Variants in CENPI observed in about 807,000 individuals in gnomAD.
The protein encoded by CENPI is FSH primary response 1.
In CENPI, 4 loss-of-function variants were observed where a neutral mutation model predicts 60.4. The observed-to-expected ratio is 0.07, with a 90% confidence interval of 0.03 to 0.15. CENPI has a LOEUF of 0.15. Ranked by LOEUF, CENPI falls within the 10% of genes least tolerant of loss-of-function variation. The pLI is 1.00. For missense variants in CENPI, 444 were observed against 534.5 expected (o/e 0.83, Z 1.67); for synonymous variants, 157 against 189.4 (o/e 0.83, Z 1.40).
chrX:101,102,488 TA>T, intron 4 of CENPI, 77 bp downstream of exon 4: 2 of 340,878 alleles, frequency 5.9e-6, no homozygotes, highest in Non-Finnish European at 9.7e-6. Context: ...ATAAATCTTA[TA>T]TATATATACA....
chrX:101,145,145 C>T lies in CENPI; in HGVS notation c.1647C>T (p.Arg549=). The T allele has an allele frequency of 2.5e-6, 3 of 1,206,061 alleles. No individual in the cohort carries two copies. Among genetic ancestry groups the T allele is most frequent in the Non-Finnish European group, 3.4e-6 (3 of 890,580 alleles). The change falls in exon 17 of 22, where the codon CGC becomes CGT. Residue 549 remains arginine, a synonymous_variant. Coordinates refer to ENST00000682095, the MANE Select transcript of CENPI (RefSeq NM_001386188.2). The part of the protein sequence containing the change: ...YVGWLSTTAM[R]LESNNTFLLH... ...GGTGGCTATCCACTACTGCAATGCG[C>T]TTGGAGAGCAACAATACTTTCTTGC...
chrX:101,140,890 G>T (rs2089909655), intron 16 of CENPI, 130 bp downstream of exon 16: 1 of 447,387 alleles, frequency 2.2e-6, no homozygotes, highest in African/African-American at 2.4e-5. Context: ...ACTTTTTTGT[G>T]ACTTTTCACT....
chrX:101,140,116 G>A lies in CENPI; in HGVS notation c.1471-550G>A, dbSNP rs888036525. On this transcript the variant is annotated intron_variant, in intron 15 of 21. Transcript: ENST00000682095. The stretch of plus-strand genomic sequence containing the variant: ...CTCCCAAAGTGCTGGGATTACAGGC[G>A]TGAGCCACCGCACCCAGCCCATCAT... 8.0e-5 allele frequency among the ~76,000 whole-genome samples: 9 copies of A among 112,242 alleles called. No homozygotes were observed. The East Asian group carries it at 8.4e-4, about 10-fold the overall frequency.
chrX:101,100,087 C>T (rs1312270660), intron 2 of CENPI: 2 of 111,040 alleles, frequency 1.8e-5, no homozygotes, highest in African/African-American at 6.6e-5. Flanking sequence ...CATGTCCAGT[C>T]TTAGTTGTAT....
intron 6 of CENPI, among the ~76,000 whole-genome samples, chrX:101,112,819 G>C (rs1373925003): frequency 1.0e-5 from 1 of 99,386 alleles, no homozygotes; most frequent in African/African-American, 3.8e-5. Context: ...CTGGCCAAGG[G>C]GTCCTCTAAT....
chrX:101,104,994 A>AAAT (rs1556387816), intron 4 of CENPI, among the ~76,000 whole-genome samples: 7 of 112,211 alleles, frequency 6.2e-5, no homozygotes, highest in Non-Finnish European at 1.1e-4. Context: ...ATTTATTTTA[A>AAAT]AGTAACAACA....
rs35365475 is a variant in CENPI, at chrX:101,164,020, CAAA to C, written c.*1068_*1070del. 3.4e-4 allele frequency among the ~76,000 whole-genome samples: 30 copies of C among 87,734 alleles called. No individual in the cohort carries two copies. Among genetic ancestry groups the C allele is most frequent in the South Asian group, 6.0e-4 (1 of 1,679 alleles). 76.2% of individuals were successfully genotyped at this position (87,734 alleles called of 115,157 possible). ...ACTGCACTCCAGCGAGACTCTGTCT[CAAA>C]AAAAAAAAAAAAAATTACCTCAATG... On this transcript the variant is annotated 3_prime_UTR_variant, in exon 22 of 22. Coordinates refer to ENST00000682095, the MANE Select transcript of CENPI (RefSeq NM_001386188.2).
chrX:101,120,876 CTTTTTTTT>C, intron 8 of CENPI, 92 bp downstream of exon 8: 1 of 497,946 alleles, frequency 2.0e-6, no homozygotes, highest in Admixed American at 3.3e-5. Flanking sequence ...AACTCTTGAT[CTTTTTTTT>C]TTTTTTTTTG....
chrX:101,128,460 TG>T (rs2089759878), intron 11 of CENPI, among the ~76,000 whole-genome samples: 1 of 111,490 alleles, frequency 9.0e-6, no homozygotes, highest in South Asian at 3.8e-4. Context: ...ATGGAGCAAC[TG>T]CTCTCCAGCC....
chrX:101,125,503 TCTC>T (rs2089725744), intron 8 of CENPI, among the ~76,000 whole-genome samples: 1 of 111,326 alleles, frequency 9.0e-6, no homozygotes, highest in African/African-American at 3.3e-5. Flanking sequence ...TTCAAGCCAT[TCTC>T]CTGCCTCAGC....
intron 6 of CENPI, among the ~76,000 whole-genome samples, chrX:101,110,680 T>G (rs1000666535): frequency 1.8e-5 from 2 of 111,897 alleles, no homozygotes; most frequent in African/African-American, 6.5e-5. Context: ...TGCATTGTCC[T>G]AGCCACTGTA....
rs35105469 is a variant in CENPI at position 101,107,835 on chromosome X, AT to A, written c.365-1619del. Among the ~76,000 whole-genome samples the A allele has an allele frequency of 1.0e-2, 871 of 87,138 alleles. 9 individuals are homozygous for A. Among genetic ancestry groups the A allele is most frequent in the African/African-American group, 0.034 (782 of 22,916 alleles). The allele number at this position is 87,138 out of a possible 115,157, so 75.7% of individuals were successfully genotyped here. On this transcript the variant is annotated intron_variant, in intron 4 of 21. Transcript: ENST00000682095. ...AGGCGCCTACCACAACACTTGGCTA[AT>A]TTTTTTTTTTTTTTTTTTGAGACGG...
the CENPI span, among the ~76,000 whole-genome samples, chrX:101,179,965 C>T: frequency 8.9e-6 from 1 of 111,999 alleles, no homozygotes; most frequent in African/African-American, 3.2e-5. Context: ...TATGAGGCTT[C>T]TATTTTCTCC....
Position 101,116,077 on chromosome X carries a change from A to G in CENPI, c.592-4325A>G, listed in dbSNP as rs184368550. Among the ~76,000 whole-genome samples, 43 of 111,944 alleles carry G rather than the reference A, an allele frequency of 3.8e-4. No individual in the cohort carries two copies. In the East Asian group the frequency reaches 0.011, roughly 29 times the overall value. ...GGTTCTGCATCCATGGATTCATCCA[A>G]TTATTGATTGAAAATATTAAAAGAT... On this transcript the variant is annotated intron_variant, in intron 6 of 21. Transcript: ENST00000682095.
At chrX:101,159,914 T>C (rs1199026925) in intron 20 of CENPI, among the ~76,000 whole-genome samples, 1 of 112,402 alleles carries the variant, frequency 8.9e-6, no homozygotes, top group Admixed American at 9.5e-5. Flanking sequence ...AAATTTGAGA[T>C]GCTTGTTAGA....
intron 8 of CENPI, among the ~76,000 whole-genome samples, chrX:101,124,862 C>T (rs1167761624): frequency 3.6e-5 from 4 of 111,850 alleles, no homozygotes; most frequent in Non-Finnish European, 7.5e-5. Context: ...AAACCTCTTT[C>T]CTTTATAAAT....
At chrX:101,119,981 C>T (rs1001500922) in intron 6 of CENPI, among the ~76,000 whole-genome samples, 1 of 110,924 alleles carries the variant, frequency 9.0e-6, no homozygotes, top group Non-Finnish European at 1.9e-5. Context: ...ATAGTGAGAC[C>T]TTGTCTCCAC....
At chrX:101,173,158 G>T in the CENPI span, among the ~76,000 whole-genome samples, 33 of 105,664 alleles carry the variant, frequency 3.1e-4, no homozygotes, top group African/African-American at 1.1e-3. Flanking sequence ...TGAGACTACA[G>T]GCGTGCTCCA....
chrX:101,134,644 A>G (rs2089828252), intron 15 of CENPI, among the ~76,000 whole-genome samples: 2 of 111,454 alleles, frequency 1.8e-5, no homozygotes, highest in South Asian at 7.6e-4. Context: ...ATGGAGTACA[A>G]GAAAGTTGTG....
Sources: allele counts gnomAD v4.1 joint callset (sites outside exome capture counted in the v4.1 genomes callset), GRCh38; gene constraint gnomAD v4.1.1; transcripts MANE v1.5; gene names NCBI Gene and HGNC (gene_info 2026-07-23, HGNC 2026-07-21).